The following LRP1B variants were observed in gnomAD, a reference collection of about 807,000 sequenced individuals.
LRP1B encodes low-density lipoprotein receptor-related protein 1B.
In LRP1B, 217 loss-of-function variants were observed where a neutral mutation model predicts 556.6. The ratio of observed to expected loss-of-function variants is 0.39; its 90% CI spans 0.35 to 0.44. The LOEUF is 0.44. LRP1B is among the 20% of genes least tolerant of loss of function. The pLI, the probability that LRP1B is intolerant of heterozygous loss-of-function variation, is 1.00. For missense variants in LRP1B, 5,053 were observed against 5,620.8 expected (o/e 0.90, Z 3.23); for synonymous variants, 2,047 against 1,865.8 (o/e 1.10, Z -2.50).
intron 3 of LRP1B, among the ~76,000 whole-genome samples, chr2:141,294,004 G>C (rs534967273): frequency 2.0e-5 from 3 of 152,140 alleles, no homozygotes; most frequent in Admixed American, 6.5e-5. Context: ...GTAGCAATTT[G>C]AAAGTATCTT....
chr2:140,665,982 A>G (rs1337014735), intron 41 of LRP1B, among the ~76,000 whole-genome samples: 1 of 137,954 alleles, frequency 7.2e-6, no homozygotes, highest in Non-Finnish European at 1.5e-5. Context: ...TCAGTGGAGT[A>G]AAAAAAAAAA....
At chr2:141,145,147 G>A (rs567059489) in intron 7 of LRP1B, among the ~76,000 whole-genome samples, 21 of 152,164 alleles carry the variant, frequency 1.4e-4, no homozygotes, top group Admixed American at 3.9e-4. Flanking sequence ...TATTAGATTC[G>A]CATAAACTAA....
intron 23 of LRP1B, among the ~76,000 whole-genome samples, chr2:140,902,583 G>A (rs1235570729): frequency 1.3e-5 from 2 of 152,104 alleles, no homozygotes; most frequent in Non-Finnish European, 2.9e-5. Flanking sequence ...AATAACAATT[G>A]GGAATGTGGG....
At chr2:140,710,615 T>G (rs1226587379) in intron 37 of LRP1B, among the ~76,000 whole-genome samples, 2 of 151,690 alleles carry the variant, frequency 1.3e-5, no homozygotes, top group African/African-American at 4.8e-5. Flanking sequence ...TAAATGAGAA[T>G]AAAGAGAATA....
chr2:140,932,248 G>A (rs575600395), intron 20 of LRP1B, among the ~76,000 whole-genome samples: 108 of 152,012 alleles, frequency 7.1e-4, no homozygotes, highest in Middle Eastern at 3.4e-3. Flanking sequence ...TAATATATGG[G>A]TGTAGGATTA....
intron 1 of LRP1B, among the ~76,000 whole-genome samples, chr2:141,952,909 G>A (rs970231151): frequency 1.3e-5 from 2 of 152,074 alleles, no homozygotes; most frequent in Non-Finnish European, 2.9e-5. Context: ...TGTCCTCAGA[G>A]ACTTGAGCTG....
intron 6 of LRP1B, among the ~76,000 whole-genome samples, chr2:141,220,283 A>C (rs922184928): frequency 3.3e-5 from 5 of 152,226 alleles, no homozygotes; most frequent in Admixed American, 1.3e-4. Context: ...ATGCAACCAC[A>C]AGTATCAACA....
intron 35 of LRP1B, among the ~76,000 whole-genome samples, chr2:140,763,064 T>A (rs2104919797): frequency 6.6e-6 from 1 of 152,248 alleles, no homozygotes; most frequent in Non-Finnish European, 1.5e-5. Flanking sequence ...TATGGAGTAA[T>A]TTGAAAAATA....
chr2:141,718,978 G>GCCT (rs1553453868), intron 2 of LRP1B, among the ~76,000 whole-genome samples: 1 of 151,876 alleles, frequency 6.6e-6, no homozygotes, highest in African/African-American at 2.4e-5. Context: ...TATTTTGCCT[G>GCCT]GGGTTTTAAA....
intron 83 of LRP1B, among the ~76,000 whole-genome samples, chr2:140,307,209 T>C (rs1191562329): frequency 6.6e-6 from 1 of 151,980 alleles, no homozygotes; most frequent in Non-Finnish European, 1.5e-5. Context: ...TTAAATTGTG[T>C]AACTTTAGAA....
intron 53 of LRP1B, among the ~76,000 whole-genome samples, chr2:140,503,894 AAT>A (rs1689298021): frequency 6.6e-6 from 1 of 152,112 alleles, no homozygotes; most frequent in Non-Finnish European, 1.5e-5. Flanking sequence ...TCCAACGGAA[AAT>A]ATACTCAATA....
chr2:141,074,710 T>C (rs1212925402), intron 7 of LRP1B, among the ~76,000 whole-genome samples: 1 of 151,224 alleles, frequency 6.6e-6, no homozygotes, highest in Non-Finnish European at 1.5e-5. Flanking sequence ...TCATAAGATA[T>C]AAGACTCAGA....
chr2:140,277,667 C>T (rs933399810), intron 84 of LRP1B, among the ~76,000 whole-genome samples: 1 of 151,646 alleles, frequency 6.6e-6, no homozygotes, highest in African/African-American at 2.4e-5. Context: ...CTGTACATAA[C>T]TCACTAGCAA....
chr2:140,318,198 TCAG>T (rs1157863894), intron 82 of LRP1B, among the ~76,000 whole-genome samples: 1 of 152,140 alleles, frequency 6.6e-6, no homozygotes, highest in Non-Finnish European at 1.5e-5. Context: ...GCATTTATCT[TCAG>T]CAATCAATAA....
chr2:141,143,916 G>A (rs1327775074), intron 7 of LRP1B, among the ~76,000 whole-genome samples: 1 of 151,832 alleles, frequency 6.6e-6, no homozygotes, highest in Non-Finnish European at 1.5e-5. Flanking sequence ...AGTAATTGCA[G>A]GAGTCTAAAC....
intron 3 of LRP1B, among the ~76,000 whole-genome samples, chr2:141,420,054 C>A (rs1391125337): frequency 6.6e-6 from 1 of 152,188 alleles, no homozygotes; most frequent in African/African-American, 2.4e-5. Flanking sequence ...TTAAAGCCCT[C>A]TGCTTCCTTA....
chr2:141,562,166 T>A (rs1415817484), intron 2 of LRP1B, among the ~76,000 whole-genome samples: 1 of 151,912 alleles, frequency 6.6e-6, no homozygotes, highest in African/African-American at 2.4e-5. Flanking sequence ...GGATGTATAA[T>A]GGAGGCTGAG....
intron 2 of LRP1B, among the ~76,000 whole-genome samples, chr2:141,683,020 G>T (rs1691159425): frequency 6.6e-6 from 1 of 152,114 alleles, no homozygotes; most frequent in Non-Finnish European, 1.5e-5. Context: ...ATAAGCCCAG[G>T]AATGCTGGCA....
chr2:141,617,733 T>A (rs1688360412), intron 2 of LRP1B, among the ~76,000 whole-genome samples: 1 of 152,204 alleles, frequency 6.6e-6, no homozygotes, highest in Admixed American at 6.5e-5. Flanking sequence ...TTTTAAAAAA[T>A]GTAATTAATA....
Sources: gnomAD v4.1 joint callset for allele counts (sites outside exome capture counted in the v4.1 genomes callset) on GRCh38, gnomAD v4.1.1 for gene constraint, MANE v1.5 for transcripts, NCBI Gene and HGNC (gene_info 2026-07-23, HGNC 2026-07-21) for gene names.